The following UBE2E2 variants were observed in gnomAD, a reference collection of about 807,000 sequenced individuals.
UBE2E2 encodes the protein ubiquitin-conjugating enzyme E2 E2.
A neutral mutation model predicts 24.7 loss-of-function variants in UBE2E2; 6 were observed. The ratio of observed to expected loss-of-function variants is 0.24; its 90% CI spans 0.13 to 0.48. The LOEUF is 0.48. Among genes scored for constraint, UBE2E2 ranks in the 20% least tolerant of loss-of-function variants. The pLI is 0.99. For missense variants in UBE2E2, 169 were observed against 245.0 expected (o/e 0.69, Z 2.07); for synonymous variants, 104 against 83.6 (o/e 1.24, Z -1.33).
intron 3 of UBE2E2, among the ~76,000 whole-genome samples, chr3:23,305,327 A>T (rs956207754): frequency 6.6e-6 from 1 of 152,258 alleles, no homozygotes; most frequent in Non-Finnish European, 1.5e-5. Flanking sequence ...GTATTTAGGT[A>T]TGCAGTAGAA....
chr3:23,259,060 G>T (rs187113098), intron 3 of UBE2E2, among the ~76,000 whole-genome samples: 11 of 152,204 alleles, frequency 7.2e-5, no homozygotes, highest in Admixed American at 6.5e-4. Flanking sequence ...TTATACAGGT[G>T]AATTCTTTTA....
chr3:23,458,394 G>C (rs935393814), intron 3 of UBE2E2, among the ~76,000 whole-genome samples: 1 of 138,146 alleles, frequency 7.2e-6, no homozygotes, highest in Admixed American at 7.5e-5. Flanking sequence ...GAGATCGCTG[G>C]TGGTGGTGGT....
intron 3 of UBE2E2, among the ~76,000 whole-genome samples, chr3:23,361,865 C>T (rs1174860109): frequency 6.6e-6 from 1 of 152,040 alleles, no homozygotes; most frequent in African/African-American, 2.4e-5. Flanking sequence ...TATTCTTTAG[C>T]CATAGAACCA....
chr3:23,273,539 A>G (rs1399017708), intron 3 of UBE2E2, among the ~76,000 whole-genome samples: 10 of 151,108 alleles, frequency 6.6e-5, no homozygotes, highest in Admixed American at 6.6e-4. Flanking sequence ...TCAAAAAAAA[A>G]AAAAAGAGAG....
At chr3:23,293,434 G>T (rs1698824564) in intron 3 of UBE2E2, among the ~76,000 whole-genome samples, 1 of 152,172 alleles carries the variant, frequency 6.6e-6, no homozygotes, top group South Asian at 2.1e-4. Flanking sequence ...ATAATATTGT[G>T]TCTGGCATAT....
chr3:23,284,381 A>G (rs1312356584), intron 3 of UBE2E2, among the ~76,000 whole-genome samples: 1 of 152,060 alleles, frequency 6.6e-6, no homozygotes, highest in Non-Finnish European at 1.5e-5. Flanking sequence ...TTATCATGAG[A>G]GTTTGCTAAA....
intron 3 of UBE2E2, among the ~76,000 whole-genome samples, chr3:23,462,591 G>A (rs1454631159): frequency 1.3e-5 from 2 of 152,150 alleles, no homozygotes; most frequent in African/African-American, 4.8e-5. Context: ...GGCAGACAGA[G>A]TAGGTAAGTG....
chr3:23,297,117 G>T (rs1170771555), intron 3 of UBE2E2, among the ~76,000 whole-genome samples: 4 of 152,146 alleles, frequency 2.6e-5, no homozygotes, highest in African/African-American at 9.7e-5. Flanking sequence ...CTTTTGAGAG[G>T]TGTCTGTTCA....
At chr3:23,398,291 C>G (rs1258502301) in intron 3 of UBE2E2, among the ~76,000 whole-genome samples, 1 of 129,774 alleles carries the variant, frequency 7.7e-6, no homozygotes, top group Non-Finnish European at 1.5e-5. Flanking sequence ...CCATTCTGGA[C>G]AGCAGAGCAA....
intron 4 of UBE2E2, among the ~76,000 whole-genome samples, chr3:23,507,942 A>T (rs1315141554): frequency 6.6e-6 from 1 of 152,226 alleles, no homozygotes. Flanking sequence ...TGTTATATCT[A>T]CGTTAAATAA....
At chr3:23,232,980 C>T (rs1575490145) in intron 3 of UBE2E2, among the ~76,000 whole-genome samples, 1 of 152,300 alleles carries the variant, frequency 6.6e-6, no homozygotes, top group East Asian at 1.9e-4. Context: ...CTAAGAGTGG[C>T]ACAGCCCATT....
chr3:23,343,555 G>A (rs928763424), intron 3 of UBE2E2, among the ~76,000 whole-genome samples: 6 of 152,082 alleles, frequency 3.9e-5, no homozygotes, highest in Non-Finnish European at 7.3e-5. Context: ...TAGCCGGGGC[G>A]ACAGAGACTC....
intron 3 of UBE2E2, among the ~76,000 whole-genome samples, chr3:23,427,913 A>G (rs1293075671): frequency 1.3e-5 from 2 of 152,222 alleles, no homozygotes; most frequent in Non-Finnish European, 2.9e-5. Flanking sequence ...ATATCAAAAT[A>G]TGTAGGACAA....
intron 3 of UBE2E2, among the ~76,000 whole-genome samples, chr3:23,308,686 A>G (rs1356353123): frequency 2.0e-5 from 3 of 152,176 alleles, no homozygotes; most frequent in East Asian, 3.9e-4. Flanking sequence ...CTCCAGAGGA[A>G]TGGAACCAAT....
chr3:23,356,334 A>G (rs753297157), intron 3 of UBE2E2, among the ~76,000 whole-genome samples: 1 of 152,240 alleles, frequency 6.6e-6, no homozygotes, highest in Non-Finnish European at 1.5e-5. Context: ...GAAATAGACA[A>G]ATATTTCATG....
At chr3:23,253,181 C>G (rs73823412) in intron 3 of UBE2E2, among the ~76,000 whole-genome samples, 86 of 152,164 alleles carry the variant, frequency 5.7e-4, no homozygotes, top group African/African-American at 2.0e-3. Context: ...AAATAATAAT[C>G]GATTTGACTA....
intron 4 of UBE2E2, among the ~76,000 whole-genome samples, chr3:23,520,186 T>C (rs959740572): frequency 2.0e-5 from 3 of 151,460 alleles, no homozygotes; most frequent in African/African-American, 7.4e-5. Flanking sequence ...TGTATTTTCC[T>C]TATAAGCTTT....
chr3:23,224,482 C>T (rs1220620589), intron 3 of UBE2E2, among the ~76,000 whole-genome samples: 2 of 150,166 alleles, frequency 1.3e-5, no homozygotes, highest in Non-Finnish European at 3.0e-5. Flanking sequence ...ATATAAATGC[C>T]ACTGATTTTT....
chr3:23,417,296 T>C (rs752666608), intron 3 of UBE2E2, among the ~76,000 whole-genome samples: 2 of 152,208 alleles, frequency 1.3e-5, no homozygotes, highest in African/African-American at 4.8e-5. Flanking sequence ...ATTTTCCTTC[T>C]AACAGGCCCC....
Sources: allele counts gnomAD v4.1 joint callset (sites outside exome capture counted in the v4.1 genomes callset), GRCh38; gene constraint gnomAD v4.1.1; transcripts MANE v1.5; gene names NCBI Gene and HGNC (gene_info 2026-07-23, HGNC 2026-07-21).